The following POU6F2 variants were observed in gnomAD, a reference collection of about 807,000 sequenced individuals.
POU6F2 encodes the protein POU class 6 homeobox 2, also known as POU domain, class 6, transcription factor 2.
POU6F2 carries 31 observed loss-of-function variants against 71.3 expected under a neutral mutation model. That is an observed-to-expected ratio of 0.43 (90% confidence interval 0.33 to 0.59). The LOEUF is 0.59. POU6F2 is among the 20% of genes least tolerant of loss of function. The probability of loss-of-function intolerance (pLI) is 0.04; values close to 1 mark genes in which losing one functional copy is unlikely to be tolerated. For synonymous variants in POU6F2, 347 were observed against 355.7 expected (o/e 0.98, Z 0.27); for missense variants, 783 against 856.8 (o/e 0.91, Z 1.07).
chr7:39,176,335 G>A (rs1322247230), intron 2 of POU6F2, among the ~76,000 whole-genome samples: 3 of 152,134 alleles, frequency 2.0e-5, no homozygotes, highest in African/African-American at 7.2e-5. Context: ...GCTTAAATTC[G>A]AGGAAAAATT....
chr7:39,244,432 A>G (rs1371582951), intron 4 of POU6F2, among the ~76,000 whole-genome samples: 1 of 152,168 alleles, frequency 6.6e-6, no homozygotes, highest in Non-Finnish European at 1.5e-5. Flanking sequence ...TCTGAAACTG[A>G]ATTTCCTCTT....
chr7:39,286,550 C>A (rs993512060), intron 4 of POU6F2, among the ~76,000 whole-genome samples: 1 of 152,084 alleles, frequency 6.6e-6, no homozygotes, highest in Non-Finnish European at 1.5e-5. Context: ...AGTTTTCTGG[C>A]CTCTCCTTGA....
intron 5 of POU6F2, among the ~76,000 whole-genome samples, chr7:39,381,256 A>G (rs6977566): frequency 0.54 from 81,480 of 151,674 alleles, 22,296 homozygotes; most frequent in East Asian, 0.75. Context: ...TTTGTTTTTC[A>G]AGATGGAGTC....
intron 6 of POU6F2, among the ~76,000 whole-genome samples, chr7:39,418,673 G>C (rs2115950564): frequency 6.6e-6 from 1 of 150,802 alleles, no homozygotes; most frequent in Middle Eastern, 3.4e-3. Context: ...CTGGGTGACA[G>C]AGTGAGACTC....
chr7:39,017,332 A>G (rs1465591375), intron 1 of POU6F2, among the ~76,000 whole-genome samples: 1 of 152,200 alleles, frequency 6.6e-6, no homozygotes, highest in Non-Finnish European at 1.5e-5. Flanking sequence ...TTAGTGATTT[A>G]TGTAATCTAT....
chr7:39,358,351 T>C (rs1786302608), intron 5 of POU6F2, among the ~76,000 whole-genome samples: 1 of 152,154 alleles, frequency 6.6e-6, no homozygotes. Context: ...CATGAGTTGA[T>C]AATTATTGCA....
intron 2 of POU6F2, among the ~76,000 whole-genome samples, chr7:39,097,750 G>T (rs1791483831): frequency 6.6e-6 from 1 of 152,168 alleles, no homozygotes; most frequent in Non-Finnish European, 1.5e-5. Flanking sequence ...TGATCACCTA[G>T]CTCACCCACT....
chr7:39,234,335 A>G (rs2128750451), intron 4 of POU6F2, among the ~76,000 whole-genome samples: 1 of 152,272 alleles, frequency 6.6e-6, no homozygotes, highest in South Asian at 2.1e-4. Context: ...ACAAAGTGAC[A>G]GTCCCCTACT....
chr7:39,451,731 C>A, intron 8 of POU6F2, 30 bp downstream of exon 8: 1 of 1,542,352 alleles, frequency 6.5e-7, no homozygotes, highest in Non-Finnish European at 8.8e-7. Context: ...CGGTTTAAAT[C>A]GTGGTGGCCT....
At chr7:39,207,685 CAA>C in intron 4 of POU6F2, 65 bp downstream of exon 4, 5 of 1,364,192 alleles carry the variant, frequency 3.7e-6, no homozygotes, top group Non-Finnish European at 5.0e-6. Flanking sequence ...CTGAAGTGGG[CAA>C]AAAAAAATGT....
rs566540307 is a variant in POU6F2 at position 39,391,041 on chromosome 7, A to T, written c.973-15559A>T. Among the ~76,000 whole-genome samples the T allele has an allele frequency of 9.1e-4, 139 of 152,330 alleles. No individual in the cohort carries two copies. The Middle Eastern group carries it at 0.01, about 11-fold the overall frequency. On this transcript the variant is annotated intron_variant, in intron 5 of 9. Transcript: ENST00000518318. Reference sequence around the variant, plus strand: ...TTGAGGATTGCTGTAATTGTCAAGTATTCTACCAAAATATCATTGCTTGCT... The same window carrying T: ...TTGAGGATTGCTGTAATTGTCAAGTTTTCTACCAAAATATCATTGCTTGCT...
At chr7:39,379,056 G>A (rs994003468) in intron 5 of POU6F2, among the ~76,000 whole-genome samples, 3 of 152,130 alleles carry the variant, frequency 2.0e-5, no homozygotes, top group Non-Finnish European at 4.4e-5. Context: ...AGTCAAAATG[G>A]TAAGATAAGT....
Position 39,091,311 on chromosome 7 carries a change from AGC to A in POU6F2, c.277+5281_277+5282del, listed in dbSNP as rs1791360174. Among the ~76,000 whole-genome samples the A allele has an allele frequency of 2.0e-5, 3 of 152,158 alleles. No individual in the cohort carries two copies. In the South Asian group the frequency reaches 6.2e-4, roughly 32 times the overall value. The stretch of plus-strand genomic sequence containing the variant: ...ACCTTCCCTTGTGCCTGCCTTTGCT[AGC>A]TCTTTGCTATGCCTGGGGTGCTCAG... On this transcript the variant is annotated intron_variant, in intron 2 of 9. Coordinates refer to ENST00000518318, the MANE Select transcript of POU6F2 (RefSeq NM_001370959.1).
At chr7:39,169,955 G>T (rs560856269) in intron 2 of POU6F2, among the ~76,000 whole-genome samples, 2 of 152,246 alleles carry the variant, frequency 1.3e-5, no homozygotes, top group South Asian at 2.1e-4. Context: ...GGCCAAGATG[G>T]GCGGATCACT....
chr7:39,156,771 T>A (rs1275483217), intron 2 of POU6F2, among the ~76,000 whole-genome samples: 1 of 152,176 alleles, frequency 6.6e-6, no homozygotes, highest in Non-Finnish European at 1.5e-5. Context: ...AAACCAGTGT[T>A]CCCAACCCCT....
chr7:39,097,651 C>G (rs1022421702), intron 2 of POU6F2, among the ~76,000 whole-genome samples: 2 of 152,120 alleles, frequency 1.3e-5, no homozygotes, highest in African/African-American at 4.8e-5. Flanking sequence ...GTGAATTGAT[C>G]CATTCAATAA....
intron 1 of POU6F2, among the ~76,000 whole-genome samples, chr7:39,055,983 A>G (rs1351205331): frequency 1.3e-5 from 2 of 150,822 alleles, no homozygotes; most frequent in East Asian, 3.9e-4. Flanking sequence ...GGTCTAGATG[A>G]CTCATCTATC....
At chr7:39,156,708 A>G (rs1792877699) in intron 2 of POU6F2, among the ~76,000 whole-genome samples, 1 of 152,152 alleles carries the variant, frequency 6.6e-6, no homozygotes, top group Non-Finnish European at 1.5e-5. Context: ...TAAGGTATAG[A>G]GAAGTTAAAC....
intron 1 of POU6F2, among the ~76,000 whole-genome samples, chr7:39,026,474 A>T (rs1789803272): frequency 6.6e-6 from 1 of 152,112 alleles, no homozygotes; most frequent in Admixed American, 6.6e-5. Flanking sequence ...ATTGGAAATC[A>T]TCATTCTCAG....
Sources: gnomAD v4.1 joint callset for allele counts (sites outside exome capture counted in the v4.1 genomes callset) on GRCh38, gnomAD v4.1.1 for gene constraint, MANE v1.5 for transcripts, NCBI Gene and HGNC (gene_info 2026-07-23, HGNC 2026-07-21) for gene names.